NAV2: variants seen among roughly 807,000 people sequenced by gnomAD.
The protein encoded by NAV2 is neuron navigator 2.
NAV2 carries 54 observed loss-of-function variants against 223.2 expected under a neutral mutation model. The ratio of observed to expected loss-of-function variants is 0.24; its 90% CI spans 0.19 to 0.30. The LOEUF (loss-of-function observed/expected upper bound fraction) is 0.30, where lower values mean the gene tolerates loss of function less well. Among genes scored for constraint, NAV2 ranks in the 10% least tolerant of loss-of-function variants. NAV2 has a pLI of 1.00. For synonymous variants in NAV2, 1,279 were observed against 1,239.3 expected (o/e 1.03, Z -0.67); for missense variants, 2,806 against 3,147.5 (o/e 0.89, Z 2.60).
intron 1 of NAV2, among the ~76,000 whole-genome samples, chr11:19,616,045 G>A (rs1050211923): frequency 6.6e-6 from 1 of 152,046 alleles, no homozygotes; most frequent in African/African-American, 2.4e-5. Context: ...CAGCCACACA[G>A]CTCAGGGGCA....
intron 1 of NAV2, among the ~76,000 whole-genome samples, chr11:19,594,848 G>A (rs1156853198): frequency 2.0e-5 from 3 of 152,228 alleles, no homozygotes; most frequent in Non-Finnish European, 4.4e-5. Context: ...TGGACTTGGT[G>A]TGAGGATTAA....
chr11:19,830,730 G>A (rs1283614111), intron 1 of NAV2, among the ~76,000 whole-genome samples: 3 of 152,170 alleles, frequency 2.0e-5, no homozygotes, highest in African/African-American at 4.8e-5. Context: ...CTGAACCCAT[G>A]TCTGCTTCTT....
chr11:20,069,520 G>A (rs2059265387), intron 22 of NAV2, among the ~76,000 whole-genome samples: 1 of 152,106 alleles, frequency 6.6e-6, no homozygotes, highest in African/African-American at 2.4e-5. Context: ...AGGCAGAGGT[G>A]CCTCTTCCCC....
chr11:19,671,127 T>C (rs1258808687), intron 1 of NAV2, among the ~76,000 whole-genome samples: 1 of 152,216 alleles, frequency 6.6e-6, no homozygotes, highest in Non-Finnish European at 1.5e-5. Context: ...TAAAAGAAGA[T>C]GGTGATCAAT....
intron 1 of NAV2, among the ~76,000 whole-genome samples, chr11:19,542,486 T>A (rs1485499640): frequency 6.6e-6 from 1 of 152,250 alleles, no homozygotes; most frequent in Non-Finnish European, 1.5e-5. Flanking sequence ...TTTGCTCCGC[T>A]GCCCAGAGTA....
chr11:19,936,851 G>T (rs970269164), intron 7 of NAV2, among the ~76,000 whole-genome samples: 17 of 152,096 alleles, frequency 1.1e-4, no homozygotes, highest in African/African-American at 4.1e-4. Flanking sequence ...TTAAAACCAG[G>T]TGTAGGCTGG....
intron 1 of NAV2, among the ~76,000 whole-genome samples, chr11:19,670,766 G>A (rs1021483423): frequency 3.3e-5 from 5 of 152,202 alleles, no homozygotes; most frequent in Non-Finnish European, 5.9e-5. Flanking sequence ...TGCAGCTTGC[G>A]GGCACCTCTG....
chr11:19,919,349 T>C (rs1185902399), intron 6 of NAV2, among the ~76,000 whole-genome samples: 1 of 151,722 alleles, frequency 6.6e-6, no homozygotes, highest in Admixed American at 6.6e-5. Flanking sequence ...AAGGTTCATA[T>C]GAAGAGCTCT....
intron 2 of NAV2, among the ~76,000 whole-genome samples, chr11:19,835,187 C>A (rs1735481962): frequency 6.6e-6 from 1 of 152,184 alleles, no homozygotes; most frequent in Non-Finnish European, 1.5e-5. Context: ...ACAGTGGCAT[C>A]TTTAGGCCTA....
chr11:19,399,479 C>T (rs1426499697), intron 1 of NAV2, among the ~76,000 whole-genome samples: 2 of 152,190 alleles, frequency 1.3e-5, no homozygotes, highest in Admixed American at 6.5e-5. Flanking sequence ...TTTCTCTGTA[C>T]AGGCCCAGTG....
intron 1 of NAV2, among the ~76,000 whole-genome samples, chr11:19,692,431 G>A (rs1736455085): frequency 6.6e-6 from 1 of 152,230 alleles, no homozygotes; most frequent in Admixed American, 6.5e-5. Context: ...CTAAACATAT[G>A]ACTTATCTGG....
At chr11:19,494,351 TC>T (rs143196863) in intron 1 of NAV2, among the ~76,000 whole-genome samples, 19 of 152,352 alleles carry the variant, frequency 1.2e-4, no homozygotes, top group Middle Eastern at 3.4e-3. Context: ...CATAAATTTT[TC>T]TTTCCCCCTA....
intron 1 of NAV2, among the ~76,000 whole-genome samples, chr11:19,784,881 T>TTCATCA (rs1040926362): frequency 6.6e-6 from 1 of 151,988 alleles, no homozygotes; most frequent in African/African-American, 2.4e-5. Context: ...TCAACAGAAA[T>TTCATCA]TCATCATCAT....
chr11:19,708,609 C>G (rs1374235324), upstream of NAV2, among the ~76,000 whole-genome samples: 1 of 152,072 alleles, frequency 6.6e-6, no homozygotes, highest in East Asian at 1.9e-4. Flanking sequence ...AGGTCTGAAG[C>G]CCAATTCACA....
chr11:19,781,265 G>C (rs997104340), intron 1 of NAV2, among the ~76,000 whole-genome samples: 1 of 152,320 alleles, frequency 6.6e-6, no homozygotes, highest in Admixed American at 6.5e-5. Flanking sequence ...TGCAGGGCCT[G>C]CTGCTGAGGT....
At chr11:19,767,941 G>A (rs982253227) in intron 1 of NAV2, among the ~76,000 whole-genome samples, 1 of 152,194 alleles carries the variant, frequency 6.6e-6, no homozygotes, top group Admixed American at 6.5e-5. Context: ...CCCTGCAGAC[G>A]GGCTTGATCC....
Position 19,587,091 on chromosome 11 carries a change from C to A in NAV2, c.75+236064C>A, listed in dbSNP as rs183994486. On this transcript the variant is annotated intron_variant, in intron 1 of 37. Transcript: ENST00000360655. Reference sequence around the variant, plus strand: ...CCTCAGCAATGGTGGACACCCCTCCCCCAGCCTTGCTGCCGCCTTGCAGTT... The same window carrying A: ...CCTCAGCAATGGTGGACACCCCTCCACCAGCCTTGCTGCCGCCTTGCAGTT... Among the ~76,000 whole-genome samples, 134 of 152,342 alleles carry A rather than the reference C, an allele frequency of 8.8e-4. 1 individual carries two copies. Among genetic ancestry groups the A allele is most frequent in the African/African-American group, 3.0e-3 (124 of 41,588 alleles).
chr11:19,414,644 T>A (rs993023614), intron 1 of NAV2, among the ~76,000 whole-genome samples: 1 of 152,176 alleles, frequency 6.6e-6, no homozygotes, highest in Non-Finnish European at 1.5e-5. Flanking sequence ...GAATATACCA[T>A]CTTCTCAGCA....
intron 1 of NAV2, among the ~76,000 whole-genome samples, chr11:19,813,039 G>A (rs2058917854): frequency 6.6e-6 from 1 of 152,080 alleles, no homozygotes; most frequent in Non-Finnish European, 1.5e-5. Flanking sequence ...CCAATGTCTC[G>A]GTAGCCTTTT....
Sources: gnomAD v4.1 joint callset for allele counts (sites outside exome capture counted in the v4.1 genomes callset) on GRCh38, gnomAD v4.1.1 for gene constraint, MANE v1.5 for transcripts, NCBI Gene and HGNC (gene_info 2026-07-23, HGNC 2026-07-21) for gene names.